Variants in TCF12 observed in about 807,000 individuals in gnomAD.
TCF12 encodes the protein transcription factor 12, also known as DNA-binding protein HTF4.
TCF12 carries 45 observed loss-of-function variants against 86.0 expected under a neutral mutation model. The observed-to-expected ratio is 0.52, with a 90% CI of 0.41 to 0.67. The LOEUF is 0.67. Among genes scored for constraint, TCF12 ranks in the 30% least tolerant of loss-of-function variants. The probability of loss-of-function intolerance (pLI) is 0.00; values close to 1 mark genes in which losing one functional copy is unlikely to be tolerated. For missense variants in TCF12, 881 were observed against 859.9 expected (o/e 1.02, Z -0.31); for synonymous variants, 330 against 299.6 (o/e 1.10, Z -1.05).
At chr15:57,069,887 T>G (rs1202350796) in intron 4 of TCF12, among the ~76,000 whole-genome samples, 2 of 152,168 alleles carry the variant, frequency 1.3e-5, no homozygotes, top group African/African-American at 2.4e-5. Flanking sequence ...GCAAGTATAG[T>G]GTATTGGGTA....
intron 3 of TCF12, among the ~76,000 whole-genome samples, chr15:56,984,135 T>A (rs1472278588): frequency 6.6e-6 from 1 of 152,082 alleles, no homozygotes; most frequent in Non-Finnish European, 1.5e-5. Flanking sequence ...TTTTCACCTT[T>A]ATGAACCATA....
At chr15:57,124,828 C>A (rs763894416) in intron 5 of TCF12, among the ~76,000 whole-genome samples, 5 of 152,046 alleles carry the variant, frequency 3.3e-5, no homozygotes, top group Non-Finnish European at 5.9e-5. Context: ...CAGGTGCCCA[C>A]CACCATGCCC....
At chr15:57,001,938 A>G (rs1213794632) in intron 3 of TCF12, among the ~76,000 whole-genome samples, 2 of 152,252 alleles carry the variant, frequency 1.3e-5, no homozygotes, top group Admixed American at 6.5e-5. Flanking sequence ...CAACCCTTAC[A>G]TAACTGTCCG....
At position 57,135,426 on chromosome 15, in the gene TCF12, A is replaced by G. The variant is rs147357083; in HGVS notation, c.326-30976A>G. Among the ~76,000 whole-genome samples the G allele has an allele frequency of 4.6e-5, 7 of 152,318 alleles. No homozygotes were observed. The East Asian group carries it at 1.2e-3, about 25-fold the overall frequency. On this transcript the variant is annotated intron_variant, in intron 5 of 20. Transcript: ENST00000333725. ...ATTTAGCACATTAAAGTCATGGTGTATATAAGCTGATACTGCTTTTGTCTT... is the reference window on the plus strand; with the variant it reads ...ATTTAGCACATTAAAGTCATGGTGTGTATAAGCTGATACTGCTTTTGTCTT...
chr15:57,026,178 C>G (rs2065815121), intron 3 of TCF12, among the ~76,000 whole-genome samples: 1 of 152,136 alleles, frequency 6.6e-6, no homozygotes, highest in Non-Finnish European at 1.5e-5. Flanking sequence ...AGCAAGCAGC[C>G]ATAGACAATA....
chr15:57,253,541 G>A, intron 16 of TCF12, 73 bp downstream of exon 16: 1 of 1,537,632 alleles, frequency 6.5e-7, no homozygotes, highest in Non-Finnish European at 8.9e-7. Flanking sequence ...TGAAATCTTT[G>A]GGAAGAGGAT....
chr15:57,213,568 C>G (rs1356453412), intron 8 of TCF12, among the ~76,000 whole-genome samples: 1 of 152,088 alleles, frequency 6.6e-6, no homozygotes, highest in Non-Finnish European at 1.5e-5. Flanking sequence ...GGCTAAGATG[C>G]AGATGTTAAC....
chr15:57,160,105 T>C (rs1388699988), intron 5 of TCF12, among the ~76,000 whole-genome samples: 1 of 152,124 alleles, frequency 6.6e-6, no homozygotes, highest in Non-Finnish European at 1.5e-5. Flanking sequence ...GAAGGCAGAG[T>C]GAAACTGAAC....
chr15:57,253,765 G>T (rs570351939), intron 16 of TCF12, among the ~76,000 whole-genome samples: 1 of 152,170 alleles, frequency 6.6e-6, no homozygotes, highest in East Asian at 1.9e-4. Context: ...TAGTGCATAA[G>T]AAATCTGAAT....
Position 56,996,141 on chromosome 15 carries a change from G to C in TCF12, c.149-67609G>C, listed in dbSNP as rs145543681. Among the ~76,000 whole-genome samples, 969 of 152,284 alleles carry C rather than the reference G, an allele frequency of 6.4e-3. 4 individuals are homozygous for C. The highest frequency in any genetic ancestry group is 0.01 in the Non-Finnish European group (702 of 67,998). ...TGCATCCCAGGAATAAAGCCTACTT[G>C]ATCATGGTGAAATACCTTTTGATGT... On this transcript the variant is annotated intron_variant, in intron 3 of 20. Transcript: ENST00000333725.
At chr15:56,966,760 C>G (rs1428394195) in intron 3 of TCF12, among the ~76,000 whole-genome samples, 1 of 151,958 alleles carries the variant, frequency 6.6e-6, no homozygotes, top group Non-Finnish European at 1.5e-5. Context: ...GTGTTTGAAC[C>G]TGAACTGTAG....
chr15:56,938,086 C>T (rs1339136502), intron 3 of TCF12, among the ~76,000 whole-genome samples: 5 of 68,748 alleles, frequency 7.3e-5, no homozygotes, highest in Admixed American at 3.4e-4. Context: ...TATTTTGTTA[C>T]GGATTTTTTG....
chr15:56,950,462 G>A (rs1453227465), intron 3 of TCF12, among the ~76,000 whole-genome samples: 1 of 152,124 alleles, frequency 6.6e-6, no homozygotes. Context: ...CTGGCCTCAG[G>A]TGATCTGCCT....
Position 57,273,063 on chromosome 15 carries a change from A to G in TCF12, c.1779A>G (p.Glu593=). The change falls in exon 19 of 21, where the codon GAA becomes GAG. Residue 593 remains glutamate (E), a synonymous_variant. Transcript: ENST00000333725. ...ATGAAGATGAGGATTTGAACCCTGA[A>G]CAGAAGATAGAAAGGGAGAAGGAGA... ...STNEDEDLNP[E]QKIEREKERR... is the part of the protein sequence containing the mutation. 6.2e-7 allele frequency: 1 copy of G among 1,614,214 alleles called. No homozygotes were observed. Among genetic ancestry groups the G allele is most frequent in the Middle Eastern group, 1.7e-4 (1 of 6,060 alleles).
rs567287816 is a variant in TCF12 at position 57,019,568 on chromosome 15, T to C, written c.149-44182T>C. On this transcript the variant is annotated intron_variant, in intron 3 of 20. Coordinates refer to ENST00000333725, the MANE Select transcript of TCF12 (RefSeq NM_207037.2). ...TGCTGATTGGTTGAGGATGAAATTA[T>C]AGGGGTACGGAAAAACGGTCTTCAT... 1.9e-3 allele frequency among the ~76,000 whole-genome samples: 283 copies of C among 152,232 alleles called. 1 individual carries two copies. Among genetic ancestry groups the C allele is most frequent in the African/African-American group, 6.5e-3 (272 of 41,556 alleles).
chr15:56,940,481 C>T (rs74889504), intron 3 of TCF12, among the ~76,000 whole-genome samples: 32,820 of 129,674 alleles, frequency 0.25, 4,008 homozygotes, highest in African/African-American at 0.36. Context: ...TTCTTCTTCT[C>T]CTCCTCCTCC....
At chr15:56,923,941 G>C (rs2059899672) in intron 3 of TCF12, among the ~76,000 whole-genome samples, 1 of 151,918 alleles carries the variant, frequency 6.6e-6, no homozygotes, top group African/African-American at 2.4e-5. Context: ...AATTTTCAGA[G>C]ATAATTGTAG....
chr15:57,061,898 GA>G (rs2068484278), intron 3 of TCF12, among the ~76,000 whole-genome samples: 2 of 152,162 alleles, frequency 1.3e-5, no homozygotes, highest in South Asian at 4.1e-4. Flanking sequence ...TGGTTGCAGA[GA>G]AAATGCTTGG....
chr15:56,930,145 G>A (rs1334633740), intron 3 of TCF12, among the ~76,000 whole-genome samples: 1 of 152,174 alleles, frequency 6.6e-6, no homozygotes, highest in South Asian at 2.1e-4. Flanking sequence ...GCTGCTGTCG[G>A]CAAGAGTTGT....
Sources: allele counts gnomAD v4.1 joint callset (sites outside exome capture counted in the v4.1 genomes callset), GRCh38; gene constraint gnomAD v4.1.1; transcripts MANE v1.5; gene names NCBI Gene and HGNC (gene_info 2026-07-23, HGNC 2026-07-21).